The following VTN variants were observed in gnomAD, a reference collection of about 807,000 sequenced individuals.
VTN encodes vitronectin, also known as complement S-protein.
Under a neutral mutation model 55.9 loss-of-function variants are expected in VTN, and 45 were observed. The ratio of observed to expected loss-of-function variants is 0.80; its 90% CI spans 0.63 to 1.03. The LOEUF (loss-of-function observed/expected upper bound fraction) is 1.03, where lower values mean the gene tolerates loss of function less well. VTN is among the 50% of genes least tolerant of loss of function. The pLI is 0.00. For missense variants in VTN, 589 were observed against 638.2 expected (o/e 0.92, Z 0.83); for synonymous variants, 238 against 242.3 (o/e 0.98, Z 0.17).
chr17:28,369,355 G>A lies in VTN; in HGVS notation c.603C>T (p.Gly201=), dbSNP rs781813785. The A allele has an allele frequency of 6.2e-7, 1 of 1,607,542 alleles. No homozygotes were observed. The highest frequency in any genetic ancestry group is 8.5e-7 in the Non-Finnish European group (1 of 1,174,938). ...GYPKLIRDVW[G]IEGPIDAAFT... is the part of the protein sequence containing the mutation. ...AGGCGGCATCGATGGGGCCCTCGAT[G>A]CCCCAGACATCTCGGATGAGCTTGG... The change falls in exon 4 of 8, where the codon GGC becomes GGT. Residue 201 remains glycine (G), a synonymous_variant. Transcript: ENST00000226218. The surrounding 1 kb of genome is among the most constrained non-coding windows in gnomAD (Gnocchi z 5.3).
rs143789007 is a variant in VTN, at chr17:28,367,463, T to C, written c.1343A>G (p.Asn448Ser). Residue 448 changes from asparagine to serine, a missense_variant, in exon 8 of 8, where the codon AAT (asparagine) becomes AGT (serine). By Grantham distance (46) the Asn-to-Ser change is conservative. This residue lies in a region of VTN where 334 missense variants were observed against 328.2 expected (regional missense o/e 1.02). Transcript: ENST00000226218. ...AGTGTCCACTCGCCGTGTGCGAAGA[T>C]TGACTCGGTAGTACTTGTCTGGAAG... ...FFSGDKYYRVNLRTRRVDTVD... is the reference protein window; with the variant it reads ...FFSGDKYYRVSLRTRRVDTVD... 2.5e-6 allele frequency: 4 copies of C among 1,613,768 alleles called. No homozygotes were observed. Among genetic ancestry groups the C allele is most frequent in the Admixed American group, 1.7e-5 (1 of 59,898 alleles).
Position 28,370,139 on chromosome 17 carries a change from C to T in VTN, c.64+1G>A. 1.2e-6 allele frequency: 2 copies of T among 1,613,786 alleles called. No homozygotes were observed. The highest frequency in any genetic ancestry group is 1.1e-5 in the South Asian group (1 of 91,038). ...AGATGGCCACCAACACTCCCCTGTA[C>T]CTTGGTCAGCCAGAGCAACCCATGC... is the stretch of plus-strand genomic sequence containing the variant. On this transcript the variant is annotated splice_donor_variant, in intron 1 of 7. Transcript: ENST00000226218. LOFTEE classifies it high-confidence loss of function.
Position 28,370,041 on chromosome 17 carries a change from A to G in VTN, c.70T>C (p.Cys24Arg), listed in dbSNP as rs376810749. ...AWVALADQES[C>R]KGRCTEGFNV... ...AAGCCCTCAGTGCAGCGGCCCTTGCATGACTCTATGAGGAAGGAGTGTCAG... is the reference window on the plus strand; with the variant it reads ...AAGCCCTCAGTGCAGCGGCCCTTGCGTGACTCTATGAGGAAGGAGTGTCAG... Residue 24 changes from cysteine (C) to arginine (R), a missense_variant, in exon 2 of 8, where the codon TGC becomes CGC. Around this residue, in one of 3 missense-constraint regions of VTN, gnomAD observed 217 missense variants for 241.3 expected, o/e 0.90. Coordinates refer to ENST00000226218, the MANE Select transcript of VTN (RefSeq NM_000638.4). The G allele has an allele frequency of 6.2e-7, 1 of 1,614,016 alleles. No homozygotes were observed. Among genetic ancestry groups the G allele is most frequent in the Non-Finnish European group, 8.5e-7 (1 of 1,180,016 alleles).
At chr17:28,368,333 C>T (rs2067924257) in intron 6 of VTN, among the ~76,000 whole-genome samples, 188 bp downstream of exon 6, 1 of 149,310 alleles carries the variant, frequency 6.7e-6, no homozygotes, top group African/African-American at 2.4e-5. Context: ...TAGGCAAAGT[C>T]CAAGGTGTGG....
chr17:28,369,118 T>C lies in VTN; in HGVS notation c.670-90A>G, dbSNP rs1597811419. On this transcript the variant is annotated intron_variant, in intron 4 of 7. Transcript: ENST00000226218. This position sits in a 1 kb window ranked among gnomAD's most constrained non-coding sequence, Gnocchi z 5.3. ...TTGCCCTAAGGCAGCCGTTCCCAGG[T>C]CCAGGTTCACTGCCCAGGACCTGGA... 4 of 1,513,950 alleles carry C rather than the reference T, an allele frequency of 2.6e-6. No individual in the cohort carries two copies. The East Asian group carries it at 9.1e-5, about 34-fold the overall frequency. 93.8% of individuals were successfully genotyped at this position (1,513,950 alleles called of 1,614,324 possible). A position where few individuals can be genotyped will look rare whatever the true frequency, so the allele number is the denominator to read the frequency against.
Position 28,367,446 on chromosome 17 carries a change from C to T in VTN, c.1360G>A (p.Val454Met). The change falls in exon 8 of 8, where the codon GTG becomes ATG. Residue 454 changes from valine to methionine, a missense_variant. By Grantham distance (21) the Val-to-Met change is conservative. Coordinates refer to ENST00000226218, the MANE Select transcript of VTN (RefSeq NM_000638.4). ...GGGTAGGGAGGGTCCACAGTGTCCA[C>T]TCGCCGTGTGCGAAGATTGACTCGG... ...YYRVNLRTRR[V>M]DTVDPPYPRS... 6.2e-7 allele frequency: 1 copy of T among 1,613,750 alleles called. No individual in the cohort carries two copies. Among genetic ancestry groups the T allele is most frequent in the Non-Finnish European group, 8.5e-7 (1 of 1,179,902 alleles).
chr17:28,370,069 G>A (rs782366116), intron 1 of VTN, 23 bp from the exon 2 acceptor site: 20 of 1,613,914 alleles, frequency 1.2e-5, no homozygotes, highest in Admixed American at 6.7e-5. Context: ...AGTGTCAGTC[G>A]GTGCCACCAA....
rs2227723 is a variant in VTN, at chr17:28,368,895, C to T, written c.803G>A (p.Arg268Gln). The T allele has an allele frequency of 1.2e-3, 1,893 of 1,613,606 alleles. 21 individuals carry two copies. The African/African-American group carries it at 0.023, about 20-fold the overall frequency. The change falls in exon 5 of 8, where the codon CGG becomes CAG. Residue 268 changes from arginine (R) to glutamine (Q), a missense_variant. Around this residue, in one of 3 missense-constraint regions of VTN, gnomAD observed 334 missense variants for 328.2 expected, o/e 1.02. Coordinates refer to ENST00000226218, the MANE Select transcript of VTN (RefSeq NM_000638.4). ...LALPAHSYSG[R>Q]ERVYFFKGKQ... ...ACCCTTGAAGAAGTAGACCCGCTCC[C>T]GGCCACTGTAGCTATGGGCAGGGAG...
rs781930205 is a variant in VTN, at chr17:28,367,731, G to T, written c.1308C>A (p.Val436=). ...GGCTCCTACCTCCAGAGAAGAAGAA[G>T]ACACTCTGGATGGGTTCACAGGTGG... ...VPATCEPIQS[V]FFFSGDKYYR... The change falls in exon 7 of 8, where the codon GTC becomes GTA. Residue 436 remains valine (V), a synonymous_variant. Transcript: ENST00000226218. 1.2e-6 allele frequency: 2 copies of T among 1,610,164 alleles called. No individual in the cohort carries two copies. The highest frequency in any genetic ancestry group is 2.7e-5 in the African/African-American group (2 of 74,854).
rs542206705 is a variant in VTN at position 28,367,448 on chromosome 17, C to A, written c.1358G>T (p.Arg453Leu). Reference sequence around the variant, plus strand: ...GTAGGGAGGGTCCACAGTGTCCACTCGCCGTGTGCGAAGATTGACTCGGTA... The same window carrying A: ...GTAGGGAGGGTCCACAGTGTCCACTAGCCGTGTGCGAAGATTGACTCGGTA... ...KYYRVNLRTR[R>L]VDTVDPPYPR... Residue 453 changes from arginine (R) to leucine (L), a missense_variant, in exon 8 of 8, where the codon CGA becomes CTA. By Grantham distance (102) the Arg-to-Leu change is moderately radical (BLOSUM62 -2). This residue lies in a region of VTN where 334 missense variants were observed against 328.2 expected (regional missense o/e 1.02). Coordinates refer to ENST00000226218, the MANE Select transcript of VTN (RefSeq NM_000638.4). The A allele has an allele frequency of 6.2e-7, 1 of 1,613,674 alleles. No individual in the cohort carries two copies. The highest frequency in any genetic ancestry group is 8.5e-7 in the Non-Finnish European group (1 of 1,179,894).
chr17:28,369,864 G>A lies in VTN; in HGVS notation c.185-13C>T. The A allele has an allele frequency of 5.6e-6, 9 of 1,612,308 alleles. No individual in the cohort carries two copies. Among genetic ancestry groups the A allele is most frequent in the Non-Finnish European group, 6.8e-6 (8 of 1,178,578 alleles). Reference sequence around the variant, plus strand: ...TCCCCGCGAGTCACTGCAGAGAGTGGATGGTAGTGAGTCTCCAGCAGCAGG... The same window carrying A: ...TCCCCGCGAGTCACTGCAGAGAGTGAATGGTAGTGAGTCTCCAGCAGCAGG... On this transcript the variant is annotated splice_polypyrimidine_tract_variant and intron_variant, in intron 2 of 7. Coordinates refer to ENST00000226218, the MANE Select transcript of VTN (RefSeq NM_000638.4). This position sits in a 1 kb window ranked among gnomAD's most constrained non-coding sequence, Gnocchi z 5.3.
At position 28,369,155 on chromosome 17, in the gene VTN, G is replaced by T; in HGVS notation, c.670-127C>A. 1 of 1,500,942 alleles carries T rather than the reference G, an allele frequency of 6.7e-7. No homozygotes were observed. Among genetic ancestry groups the T allele is most frequent in the Non-Finnish European group, 8.9e-7 (1 of 1,122,690 alleles). The allele number at this position is 1,500,942 out of a possible 1,614,324, so 93.0% of individuals were successfully genotyped here. On this transcript the variant is annotated intron_variant, in intron 4 of 7. Coordinates refer to ENST00000226218, the MANE Select transcript of VTN (RefSeq NM_000638.4). This position sits in a 1 kb window ranked among gnomAD's most constrained non-coding sequence, Gnocchi z 5.3. ...GCCCAGGACCTGGAGTCTTGGGGCT[G>T]CCCTGTGCTCACAGAGCTCCCACCA...
chr17:28,368,417 C>T (rs1334957267), intron 6 of VTN, 104 bp downstream of exon 6: 10 of 1,482,500 alleles, frequency 6.7e-6, no homozygotes, highest in South Asian at 3.7e-5. Flanking sequence ...AGACTTTGAT[C>T]GATAGCTCCA....
At position 28,370,043 on chromosome 17, in the gene VTN, G is replaced by A; in HGVS notation, c.68C>T (p.Ser23Leu). 1 of 1,614,108 alleles carries A rather than the reference G, an allele frequency of 6.2e-7. No homozygotes were observed. Among genetic ancestry groups the A allele is most frequent in the Non-Finnish European group, 8.5e-7 (1 of 1,180,020 alleles). The part of the protein sequence containing the change: ...LAWVALADQE[S>L]CKGRCTEGFN... ...GCCCTCAGTGCAGCGGCCCTTGCAT[G>A]ACTCTATGAGGAAGGAGTGTCAGTC... The change falls in exon 2 of 8, where the codon TCA becomes TTA. Residue 23 changes from serine to leucine, a missense_variant. Ser to Leu is a moderately radical substitution (Grantham distance 145). This residue lies in a region of VTN where 217 missense variants were observed against 241.3 expected (regional missense o/e 0.90). Coordinates refer to ENST00000226218, the MANE Select transcript of VTN (RefSeq NM_000638.4).
Position 28,367,979 on chromosome 17 carries a change from T to G in VTN, c.1060A>C (p.Ile354Leu). The G allele has an allele frequency of 6.3e-7, 1 of 1,596,260 alleles. No homozygotes were observed. Among genetic ancestry groups the G allele is most frequent in the Non-Finnish European group, 8.5e-7 (1 of 1,171,586 alleles). ...CGGGGTGCCATGCCTGAGATGTAGA[T>G]GCGGCCAGCCATGGCTGCGTCCACT... Reference protein sequence around the residue: ...GQVDAAMAGRIYISGMAPRPS... With the variant: ...GQVDAAMAGRLYISGMAPRPS... Residue 354 changes from isoleucine to leucine, a missense_variant, in exon 7 of 8, where the codon ATC becomes CTC. Physicochemically the swap from Ile to Leu is conservative, Grantham distance 5 (BLOSUM62 2). Coordinates refer to ENST00000226218, the MANE Select transcript of VTN (RefSeq NM_000638.4).
In VTN at chr17:28,367,340, A is replaced by T. The variant is rs1555583143; in HGVS notation, c.*29T>A. The T allele has an allele frequency of 6.7e-7, 1 of 1,494,042 alleles. No homozygotes were observed. The highest frequency in any genetic ancestry group is 9.1e-7 in the Non-Finnish European group (1 of 1,099,348). The allele number at this position is 1,494,042 out of a possible 1,614,324, so 92.5% of individuals were successfully genotyped here. A position where few individuals can be genotyped will look rare whatever the true frequency, so the allele number is the denominator to read the frequency against. Reference sequence around the variant, plus strand: ...GAAGGAGATGGGAGGAGGGAGCTACAGAGGGCCCGGCCATGTGGGCTCTGA... The same window carrying T: ...GAAGGAGATGGGAGGAGGGAGCTACTGAGGGCCCGGCCATGTGGGCTCTGA... On this transcript the variant is annotated 3_prime_UTR_variant, in exon 8 of 8. Coordinates refer to ENST00000226218, the MANE Select transcript of VTN (RefSeq NM_000638.4).
Position 28,368,073 on chromosome 17 carries a change from G to T in VTN, c.980-14C>A. Reference sequence around the variant, plus strand: ...GTCTGGTACCAGCTGTGGCAGGGAAGGGGTGAATGAGAGGTCTTGGGGGTC... The same window carrying T: ...GTCTGGTACCAGCTGTGGCAGGGAATGGGTGAATGAGAGGTCTTGGGGGTC... On this transcript the variant is annotated splice_polypyrimidine_tract_variant and intron_variant, in intron 6 of 7. Coordinates refer to ENST00000226218, the MANE Select transcript of VTN (RefSeq NM_000638.4). 6.4e-7 allele frequency: 1 copy of T among 1,558,932 alleles called. No individual in the cohort carries two copies. The highest frequency in any genetic ancestry group is 8.7e-7 in the Non-Finnish European group (1 of 1,150,886).
rs143668399 is a variant in VTN, at chr17:28,368,312, C to T, written c.979+209G>A. Among the ~76,000 whole-genome samples the T allele has an allele frequency of 2.5e-3, 371 of 149,252 alleles. 1 individual carries two copies. Among genetic ancestry groups the T allele is most frequent in the African/African-American group, 8.7e-3 (354 of 40,846 alleles). ...AGCCCCTCCCTCTGCTGGCTGTGCT[C>T]TCAGCTGTGCTAGGCAAAGTCCAAG... On this transcript the variant is annotated intron_variant, in intron 6 of 7. Coordinates refer to ENST00000226218, the MANE Select transcript of VTN (RefSeq NM_000638.4).
Position 28,367,850 on chromosome 17 carries a change from A to G in VTN, c.1189T>C (p.Ser397Pro). The G allele has an allele frequency of 6.2e-7, 1 of 1,614,096 alleles. No homozygotes were observed. Among genetic ancestry groups the G allele is most frequent in the Non-Finnish European group, 8.5e-7 (1 of 1,180,034 alleles). ...AACAAGGACAGCCACGTGGCGCGGGATGGCCGGCGGGAGTTCTGGTTGCGG... is the reference window on the plus strand; with the variant it reads ...AACAAGGACAGCCACGTGGCGCGGGGTGGCCGGCGGGAGTTCTGGTTGCGG... ...RGRNQNSRRP[S>P]RATWLSLFSS... The change falls in exon 7 of 8, where the codon TCC (serine) becomes CCC (proline). Residue 397 changes from serine to proline, a missense_variant. Coordinates refer to ENST00000226218, the MANE Select transcript of VTN (RefSeq NM_000638.4).
Sources: allele counts gnomAD v4.1 joint callset (sites outside exome capture counted in the v4.1 genomes callset), GRCh38; gene constraint gnomAD v4.1.1; regional missense constraint gnomAD v4.1.1; non-coding constraint Gnocchi (gnomAD v3.1); transcripts MANE v1.5; gene names NCBI Gene and HGNC (gene_info 2026-07-23, HGNC 2026-07-21).